The following DNA2 variants were observed in gnomAD, a reference collection of about 807,000 sequenced individuals.
DNA2 encodes the protein DNA replication helicase/nuclease 2, also known as DNA replication ATP-dependent helicase/nuclease DNA2.
A neutral mutation model predicts 119.1 loss-of-function variants in DNA2; 101 were observed. The observed-to-expected ratio is 0.85, with a 90% confidence interval of 0.72 to 1.00. The LOEUF (loss-of-function observed/expected upper bound fraction) is 1.00. DNA2 is among the 50% of genes least tolerant of loss of function. The probability of loss-of-function intolerance (pLI) is 0.00; values close to 1 mark genes in which losing one functional copy is unlikely to be tolerated. For synonymous variants in DNA2, 366 were observed against 424.4 expected (o/e 0.86, Z 1.69); for missense variants, 1,121 against 1,255.5 (o/e 0.89, Z 1.62).
intron 6 of DNA2, 52 bp downstream of exon 6, chr10:68,449,976 A>C: frequency 3.5e-6 from 3 of 859,902 alleles, no homozygotes; most frequent in Non-Finnish European, 4.7e-6. Context: ...TCTGTCTCAA[A>C]AAAAAAAAAA....
intron 7 of DNA2, 139 bp downstream of exon 7, chr10:68,446,157 C>A: frequency 1.7e-6 from 1 of 584,014 alleles, no homozygotes; most frequent in Non-Finnish European, 3.0e-6. Context: ...ACATAAAAAA[C>A]AACAACAAAA....
At position 68,442,858 on chromosome 10, in the gene DNA2, G is replaced by A. The variant is rs550225061; in HGVS notation, c.1415+59C>T. 861 of 1,394,524 alleles carry A rather than the reference G, an allele frequency of 6.2e-4. 4 individuals are homozygous for A. In the African/African-American group the frequency reaches 0.011, roughly 17 times the overall value. The allele number at this position is 1,394,524 out of a possible 1,614,324, so 86.4% of individuals were successfully genotyped here. A position where few individuals can be genotyped will look rare whatever the true frequency, so the allele number is the denominator to read the frequency against. ...CTTGTATTTGTCATAAATTCCAAAG[G>A]CCACCTCATTCACTAATCCAAACTA... On this transcript the variant is annotated intron_variant, in intron 9 of 20. Transcript: ENST00000358410.
chr10:68,419,999 C>T, intron 17 of DNA2, 107 bp from the exon 18 acceptor site: 1 of 856,486 alleles, frequency 1.2e-6, no homozygotes. Flanking sequence ...TGAAAAATAG[C>T]TTTGTCTAAA....
intron 6 of DNA2, among the ~76,000 whole-genome samples, chr10:68,447,510 T>C: frequency 8.9e-6 from 1 of 112,304 alleles, no homozygotes; most frequent in East Asian, 2.6e-4. Context: ...GAAGGAGACT[T>C]CACCTCAAAA....
rs182235311 is a variant in DNA2 at position 68,455,681 on chromosome 10, C to T, written c.719+3423G>A. 2.2e-3 allele frequency among the ~76,000 whole-genome samples: 338 copies of T among 152,042 alleles called. 5 individuals carry two copies. The South Asian group carries it at 0.025, about 11-fold the overall frequency. ...ACTAAAAATACAAAAATTAGCCAGG[C>T]GTGGTGGCTCATGCCTATAGTCCCA... is the stretch of plus-strand genomic sequence containing the variant. On this transcript the variant is annotated intron_variant, in intron 5 of 20. Transcript: ENST00000358410.
intron 4 of DNA2, among the ~76,000 whole-genome samples, chr10:68,459,853 G>C (rs10823203): frequency 0.29 from 44,720 of 151,654 alleles, 7,272 homozygotes; most frequent in African/African-American, 0.42. Flanking sequence ...ATGGTGAAAC[G>C]CTGTCTCTAC....
chr10:68,444,060 C>A lies in DNA2; in HGVS notation c.1220+861G>T, dbSNP rs181435137. 1.2e-3 allele frequency among the ~76,000 whole-genome samples: 183 copies of A among 152,242 alleles called. 2 individuals carry two copies. Among genetic ancestry groups the A allele is most frequent in the African/African-American group, 4.3e-3 (178 of 41,538 alleles). On this transcript the variant is annotated intron_variant, in intron 8 of 20. Coordinates refer to ENST00000358410, the MANE Select transcript of DNA2 (RefSeq NM_001080449.3). ...TCACTTGAGGTCAGGAGTTCAAGAC[C>A]AGCCTGGCCAACATGGTGAAACCCT...
At chr10:68,417,306 C>T (rs1381982769) in intron 19 of DNA2, among the ~76,000 whole-genome samples, 1 of 143,984 alleles carries the variant, frequency 6.9e-6, no homozygotes, top group Non-Finnish European at 1.5e-5. Flanking sequence ...ACAAAGGAAA[C>T]CTTTTATTAC....
intron 14 of DNA2, among the ~76,000 whole-genome samples, chr10:68,424,261 T>G (rs1462493134): frequency 6.6e-6 from 1 of 152,128 alleles, no homozygotes; most frequent in Admixed American, 6.5e-5. Flanking sequence ...CCCAACACTT[T>G]GGGAGGCCAA....
chr10:68,471,583 G>A (rs1310398754), intron 1 of DNA2, among the ~76,000 whole-genome samples: 1 of 152,110 alleles, frequency 6.6e-6, no homozygotes, highest in East Asian at 1.9e-4. Flanking sequence ...GCTCGGCGAG[G>A]GAGAGTCCAG....
At chr10:68,432,123 T>A (rs2051830215) in intron 12 of DNA2, 83 bp downstream of exon 12, 1 of 1,158,988 alleles carries the variant, frequency 8.6e-7, no homozygotes, top group Admixed American at 2.2e-5. Flanking sequence ...TAGTTGCAAG[T>A]CTAATCAAGA....
intron 13 of DNA2, 39 bp downstream of exon 13, chr10:68,431,823 C>A (rs775102780): frequency 4.3e-6 from 6 of 1,390,996 alleles, no homozygotes; most frequent in Admixed American, 1.9e-5. Context: ...GAAGCTGATA[C>A]AAATATTTTG....
chr10:68,416,004 C>A (rs537009049), intron 20 of DNA2, among the ~76,000 whole-genome samples: 23 of 152,174 alleles, frequency 1.5e-4, no homozygotes, highest in African/African-American at 5.5e-4. Flanking sequence ...TGGCTCACCT[C>A]CTCTCTATTA....
chr10:68,448,008 C>T lies in DNA2; in HGVS notation c.940-1595G>A, dbSNP rs1057194488. Among the ~76,000 whole-genome samples, 8 of 151,268 alleles carry T rather than the reference C, an allele frequency of 5.3e-5. No individual in the cohort carries two copies. In the East Asian group the frequency reaches 1.2e-3, roughly 22 times the overall value. Reference sequence around the variant, plus strand: ...AAAAAAAAAAAAAATTTAATTTACACAAAACAAACATAGTTCATGCTTCTC... The same window carrying T: ...AAAAAAAAAAAAAATTTAATTTACATAAAACAAACATAGTTCATGCTTCTC... On this transcript the variant is annotated intron_variant, in intron 6 of 20. Coordinates refer to ENST00000358410, the MANE Select transcript of DNA2 (RefSeq NM_001080449.3).
At chr10:68,430,413 T>C (rs754586144) in intron 14 of DNA2, 23 bp downstream of exon 14, 4 of 1,495,458 alleles carry the variant, frequency 2.7e-6, no homozygotes, top group Non-Finnish European at 3.7e-6. Context: ...CTGTTAGTAT[T>C]ATTATACAAT....
chr10:68,424,520 A>G, intron 14 of DNA2: 1 of 665,402 alleles, frequency 1.5e-6, no homozygotes, highest in Non-Finnish European at 2.7e-6. Context: ...AAAAAAAAAA[A>G]CAAAACAGGC....
intron 9 of DNA2, among the ~76,000 whole-genome samples, chr10:68,438,132 A>T (rs2051916543): frequency 6.6e-6 from 1 of 152,184 alleles, no homozygotes; most frequent in Non-Finnish European, 1.5e-5. Context: ...TGGCACTTTG[A>T]TCCCTGAGGG....
intron 1 of DNA2, 36 bp from the exon 2 acceptor site, chr10:68,470,199 C>G (rs1351026476): frequency 2.0e-6 from 3 of 1,528,802 alleles, no homozygotes; most frequent in Middle Eastern, 1.7e-4. Context: ...TTTAGCACAA[C>G]CATGAAATAA....
chr10:68,435,503 C>A (rs1218374154), intron 10 of DNA2, among the ~76,000 whole-genome samples: 3 of 152,092 alleles, frequency 2.0e-5, no homozygotes, highest in Non-Finnish European at 4.4e-5. Context: ...GTTGCCCAGG[C>A]TGGAGGGCAG....
Sources: allele counts gnomAD v4.1 joint callset (sites outside exome capture counted in the v4.1 genomes callset), GRCh38; gene constraint gnomAD v4.1.1; transcripts MANE v1.5; gene names NCBI Gene and HGNC (gene_info 2026-07-23, HGNC 2026-07-21).